Variants in SPON1 observed in about 807,000 individuals in gnomAD.
SPON1 encodes the protein spondin 1, also known as spondin-1.
Under a neutral mutation model 111.7 loss-of-function variants are expected in SPON1, and 52 were observed. The observed-to-expected ratio is 0.47, with a 90% CI of 0.37 to 0.59. The LOEUF is 0.59. Among genes scored for constraint, SPON1 ranks in the 20% least tolerant of loss-of-function variants. The probability of loss-of-function intolerance (pLI) is 0.00; values close to 1 mark genes in which losing one functional copy is unlikely to be tolerated. For missense variants in SPON1, 957 were observed against 1,068.5 expected (o/e 0.90, Z 1.46); for synonymous variants, 410 against 395.8 (o/e 1.04, Z -0.43).
chr11:14,031,425 A>C (rs1848558364), intron 2 of SPON1, among the ~76,000 whole-genome samples: 1 of 152,230 alleles, frequency 6.6e-6, no homozygotes, highest in South Asian at 2.1e-4. Context: ...TTTACAGTTT[A>C]GAAGAGAGGC....
rs1847578045 is a variant in SPON1, at chr11:14,135,316, T to C, written c.677-104T>C. ...TAAGACAGAATAGGTGCTTAGTCAG[T>C]GCTCTTTGAATCGATGTCCAATTAC... On this transcript the variant is annotated intron_variant, in intron 5 of 15. Transcript: ENST00000576479. The surrounding 1 kb of genome is among the most constrained non-coding windows in gnomAD (Gnocchi z 4.4). The C allele has an allele frequency of 1.5e-6, 2 of 1,308,990 alleles. No individual in the cohort carries two copies. Among genetic ancestry groups the C allele is most frequent in the Non-Finnish European group, 2.1e-6 (2 of 938,694 alleles). The allele number at this position is 1,308,990 out of a possible 1,614,324, so 81.1% of individuals were successfully genotyped here.
intron 2 of SPON1, among the ~76,000 whole-genome samples, chr11:13,985,867 A>G (rs533731617): frequency 6.6e-6 from 1 of 152,250 alleles, no homozygotes; most frequent in East Asian, 1.9e-4. Flanking sequence ...TTGTGCCATC[A>G]AAATGCACAC....
intron 6 of SPON1, among the ~76,000 whole-genome samples, chr11:14,194,215 C>T (rs1401083792): frequency 6.6e-6 from 1 of 152,102 alleles, no homozygotes; most frequent in Admixed American, 6.6e-5. Context: ...TAAATCTTCC[C>T]ATTGGTGTGC....
In SPON1 at chr11:14,262,854, A is replaced by G. The variant is rs1271007932; in HGVS notation, c.2139A>G (p.Lys713=). ...CCTGCCCAGAGACTGTGCAGCGAAA[A>G]AAGTGCCGCATCCGAAAATGCCTTC... ...GAPCPETVQR[K]KCRIRKCLRN... Residue 713 remains lysine, a synonymous_variant, in exon 15 of 16, where the codon AAA becomes AAG. Coordinates refer to ENST00000576479, the MANE Select transcript of SPON1 (RefSeq NM_006108.4). The G allele has an allele frequency of 6.2e-7, 1 of 1,613,748 alleles. No individual in the cohort carries two copies. The highest frequency in any genetic ancestry group is 8.5e-7 in the Non-Finnish European group (1 of 1,179,880).
At chr11:14,221,567 G>A (rs180861641) in intron 6 of SPON1, among the ~76,000 whole-genome samples, 241 of 141,068 alleles carry the variant, frequency 1.7e-3, no homozygotes, top group Non-Finnish European at 9.9e-4. Context: ...CTGCCACGGC[G>A]AAAGCCAGAT....
chr11:14,216,148 T>A (rs549733956), intron 6 of SPON1, among the ~76,000 whole-genome samples: 3 of 152,350 alleles, frequency 2.0e-5, no homozygotes, highest in African/African-American at 7.2e-5. Flanking sequence ...CCTCTTAATA[T>A]CTTTGGAAAG....
In SPON1 at chr11:14,160,908, TA is replaced by T. The variant is rs1847933487; in HGVS notation, c.825+25341del. Among the ~76,000 whole-genome samples, 2 of 33,416 alleles carry T rather than the reference TA, an allele frequency of 6.0e-5. 1 individual carries two copies. The highest frequency in any genetic ancestry group is 4.2e-3 in the East Asian group (2 of 472). The allele number at this position is 33,416 out of a possible 152,430, so 21.9% of individuals were successfully genotyped here. On this transcript the variant is annotated intron_variant, in intron 6 of 15. Transcript: ENST00000576479. ...ATATTTATATATATTTATATATTTA[TA>T]TATATATTTATATATTTATATATTT...
intron 5 of SPON1, among the ~76,000 whole-genome samples, chr11:14,113,490 T>C (rs971112118): frequency 1.3e-5 from 2 of 148,682 alleles, no homozygotes; most frequent in Non-Finnish European, 3.0e-5. Flanking sequence ...TAGACACTCA[T>C]CAATCAACCA....
At chr11:13,994,292 T>C (rs1455234639) in intron 2 of SPON1, among the ~76,000 whole-genome samples, 3 of 152,242 alleles carry the variant, frequency 2.0e-5, no homozygotes, top group African/African-American at 7.2e-5. Flanking sequence ...CTATTATAAA[T>C]AATGGAGTAG....
chr11:14,044,464 T>A (rs1202489103), intron 3 of SPON1, among the ~76,000 whole-genome samples: 5 of 151,918 alleles, frequency 3.3e-5, no homozygotes, highest in African/African-American at 9.7e-5. Context: ...ATACAAACAT[T>A]AGCTGGGCGT....
At chr11:14,002,652 A>T (rs1848327793) in intron 2 of SPON1, among the ~76,000 whole-genome samples, 1 of 152,078 alleles carries the variant, frequency 6.6e-6, no homozygotes, top group Admixed American at 6.6e-5. Context: ...TTGGATTTGT[A>T]ACTTTCTTCA....
At chr11:14,256,773 G>C in intron 10 of SPON1, 81 bp downstream of exon 10, 1 of 1,087,566 alleles carries the variant, frequency 9.2e-7, no homozygotes, top group East Asian at 2.4e-5. Context: ...CCTGTTTTAA[G>C]AACCATAAAC....
intron 2 of SPON1, among the ~76,000 whole-genome samples, chr11:13,998,910 A>T (rs1245311579): frequency 6.6e-6 from 1 of 152,264 alleles, no homozygotes; most frequent in Non-Finnish European, 1.5e-5. Flanking sequence ...TATGCAAAAA[A>T]GAACTTTTTC....
At chr11:14,085,225 T>G (rs1848996746) in intron 5 of SPON1, among the ~76,000 whole-genome samples, 1 of 152,200 alleles carries the variant, frequency 6.6e-6, no homozygotes, top group Non-Finnish European at 1.5e-5. Flanking sequence ...TGCCCATGCT[T>G]ATGTCCTGAA....
rs1554942620 is a variant in SPON1 at position 14,267,617 on chromosome 11, G to A, written c.*1930G>A. On this transcript the variant is annotated 3_prime_UTR_variant, in exon 16 of 16. Transcript: ENST00000576479. ...CCAGTTGGGTACATTTTAAAATCCT[G>A]ATTTTGGAGACTTAAAACCAGGTTA... is the stretch of plus-strand genomic sequence containing the variant. 6.6e-6 allele frequency: 1 copy of A among 152,136 alleles called. No individual in the cohort carries two copies. 9.4% of individuals were successfully genotyped at this position (152,136 alleles called of 1,614,324 possible).
At chr11:14,243,201 C>A in intron 6 of SPON1, 131 bp from the exon 7 acceptor site, 3 of 800,588 alleles carry the variant, frequency 3.7e-6, no homozygotes, top group South Asian at 1.6e-5. Context: ...AGAGAGGTGG[C>A]TGTACACCCA....
At chr11:14,088,522 C>G (rs950280741) in intron 5 of SPON1, among the ~76,000 whole-genome samples, 9 of 152,116 alleles carry the variant, frequency 5.9e-5, no homozygotes, top group Non-Finnish European at 1.2e-4. Flanking sequence ...ATGGGCTTCC[C>G]TTTGTGGGTA....
intron 15 of SPON1, among the ~76,000 whole-genome samples, chr11:14,264,659 T>C (rs1275037308): frequency 6.6e-6 from 1 of 152,192 alleles, no homozygotes; most frequent in Non-Finnish European, 1.5e-5. Flanking sequence ...GGCAGGTACA[T>C]AGTTGTACGG....
chr11:14,152,834 G>A (rs1271542902), intron 6 of SPON1, among the ~76,000 whole-genome samples: 2 of 152,204 alleles, frequency 1.3e-5, no homozygotes, highest in Non-Finnish European at 2.9e-5. Flanking sequence ...CTGCAAGCAT[G>A]GTTGGATCTT....
Sources: gnomAD v4.1 joint callset for allele counts (sites outside exome capture counted in the v4.1 genomes callset) on GRCh38, gnomAD v4.1.1 for gene constraint, Gnocchi (gnomAD v3.1) non-coding constraint, MANE v1.5 for transcripts, NCBI Gene and HGNC (gene_info 2026-07-23, HGNC 2026-07-21) for gene names.